The following NRG1 variants were observed in gnomAD, a reference collection of about 807,000 sequenced individuals.
NRG1 encodes the protein pro-neuregulin-1, membrane-bound isoform.
In NRG1, 18 loss-of-function variants were observed where a neutral mutation model predicts 63.8. That is an observed-to-expected ratio of 0.28 (90% CI 0.19 to 0.42). The LOEUF (loss-of-function observed/expected upper bound fraction) is 0.42, where lower values mean the gene tolerates loss of function less well. Among genes scored for constraint, NRG1 ranks in the 10% least tolerant of loss-of-function variants. The pLI is 1.00. For synonymous variants in NRG1, 302 were observed against 301.3 expected (o/e 1.00, Z -0.02); for missense variants, 762 against 814.7 (o/e 0.94, Z 0.79).
rs1833389329 is a variant in NRG1 at position 32,121,105 on chromosome 8, ATTG to A, written c.38-474719_38-474717del. ...GATTATGCACACCTTGGCTTACCCTATTGTTGCATAAAAATAGGCAAGGCATGT... is the reference window on the plus strand; with the variant it reads ...GATTATGCACACCTTGGCTTACCCTATTGCATAAAAATAGGCAAGGCATGT... On this transcript the variant is annotated intron_variant, in intron 1 of 10. Transcript: ENST00000519301. Among the ~76,000 whole-genome samples, 4 of 152,138 alleles carry A rather than the reference ATTG, an allele frequency of 2.6e-5. No individual in the cohort carries two copies. In the South Asian group the frequency reaches 6.2e-4, roughly 24 times the overall value.
chr8:32,008,250 T>C (rs1456962847), intron 1 of NRG1, among the ~76,000 whole-genome samples: 1 of 151,920 alleles, frequency 6.6e-6, no homozygotes, highest in Non-Finnish European at 1.5e-5. Flanking sequence ...ATTGCATGAC[T>C]TTATTGAAGC....
At chr8:31,707,773 A>G (rs909662731) in intron 1 of NRG1, among the ~76,000 whole-genome samples, 2 of 151,768 alleles carry the variant, frequency 1.3e-5, no homozygotes, top group African/African-American at 4.8e-5. Flanking sequence ...TTTGAATTCT[A>G]TTTTACTCAT....
intron 1 of NRG1, among the ~76,000 whole-genome samples, chr8:31,906,953 A>G (rs1458036234): frequency 1.3e-5 from 2 of 152,196 alleles, no homozygotes; most frequent in Non-Finnish European, 2.9e-5. Flanking sequence ...CAGGAAAAGA[A>G]TGCTGCTCTT....
intron 1 of NRG1, among the ~76,000 whole-genome samples, chr8:31,995,688 A>G (rs1811856473): frequency 6.6e-6 from 1 of 151,894 alleles, no homozygotes; most frequent in South Asian, 2.1e-4. Context: ...TTTCCCAGAT[A>G]AACTATTTCC....
chr8:32,287,254 T>C (rs1853642466), intron 1 of NRG1: 1 of 151,930 alleles, frequency 6.6e-6, no homozygotes, highest in African/African-American at 2.4e-5. Context: ...CAATGACACT[T>C]ATGCCACATG....
At chr8:31,701,103 T>C (rs532522101) in intron 1 of NRG1, among the ~76,000 whole-genome samples, 4 of 152,324 alleles carry the variant, frequency 2.6e-5, no homozygotes, top group African/African-American at 9.6e-5. Context: ...AAAGGCTTGA[T>C]ATATTCATAT....
At chr8:32,212,375 G>C (rs1462947575) in intron 1 of NRG1, among the ~76,000 whole-genome samples, 4 of 152,126 alleles carry the variant, frequency 2.6e-5, no homozygotes, top group African/African-American at 7.2e-5. Flanking sequence ...TTTCTGGTTT[G>C]TTCATGGCAG....
At chr8:32,633,466 A>G (rs943891132) in intron 5 of NRG1, among the ~76,000 whole-genome samples, 3 of 152,202 alleles carry the variant, frequency 2.0e-5, no homozygotes, top group African/African-American at 7.2e-5. Context: ...CACTAATCAA[A>G]CAAAACACTA....
Position 32,284,477 on chromosome 8 carries a change from C to G in NRG1, c.38-311351C>G, listed in dbSNP as rs7841814. ...ACACGTGCCAGAATAATGCTTGCCTCCCTGCCTGCCTGCCTTCCTTCCTTC... is the reference window on the plus strand; with the variant it reads ...ACACGTGCCAGAATAATGCTTGCCTGCCTGCCTGCCTGCCTTCCTTCCTTC... On this transcript the variant is annotated intron_variant, in intron 1 of 10. Transcript: ENST00000519301. Among the ~76,000 whole-genome samples the G allele has an allele frequency of 6.0e-3, 845 of 141,312 alleles. 9 individuals carry two copies. The highest frequency in any genetic ancestry group is 0.022 in the African/African-American group (796 of 36,884). The allele number at this position is 141,312 out of a possible 152,430, so 92.7% of individuals were successfully genotyped here. A position where few individuals can be genotyped will look rare whatever the true frequency, so the allele number is the denominator to read the frequency against.
chr8:31,876,999 G>T (rs1414319597), intron 1 of NRG1, among the ~76,000 whole-genome samples: 2 of 152,108 alleles, frequency 1.3e-5, no homozygotes, highest in East Asian at 3.9e-4. Context: ...AATGGCAAGA[G>T]CAAAGGAAAG....
Position 32,170,446 on chromosome 8 carries a change from G to A in NRG1, c.38-425382G>A, listed in dbSNP as rs547922718. On this transcript the variant is annotated intron_variant, in intron 1 of 10. Coordinates refer to the NRG1 transcript ENST00000519301. Reference sequence around the variant, plus strand: ...GTCTTAGCAGGTGAAATGCAGCAGCGAAGACCAGGTGCCTGTATTGTTGCC... The same window carrying A: ...GTCTTAGCAGGTGAAATGCAGCAGCAAAGACCAGGTGCCTGTATTGTTGCC... Among the ~76,000 whole-genome samples the A allele has an allele frequency of 2.4e-4, 36 of 152,258 alleles. 1 individual carries two copies. Among genetic ancestry groups the A allele is most frequent in the East Asian group, 7.8e-4 (4 of 5,158 alleles).
intron 2 of NRG1, 64 bp downstream of exon 2, chr8:32,596,069 T>C: frequency 4.0e-6 from 5 of 1,252,412 alleles, no homozygotes; most frequent in Non-Finnish European, 5.5e-6. Flanking sequence ...TAAATGTTAT[T>C]TAGACCCTAA....
In NRG1 at chr8:32,225,869, G is replaced by A. The variant is rs576222959; in HGVS notation, c.38-369959G>A. Reference sequence around the variant, plus strand: ...AAGGTTTTAAGAGTCTAAATAAATTGCATAATTAGTCAGTTTCCTACCTCC... The same window carrying A: ...AAGGTTTTAAGAGTCTAAATAAATTACATAATTAGTCAGTTTCCTACCTCC... On this transcript the variant is annotated intron_variant, in intron 1 of 10. Transcript: ENST00000519301. Among the ~76,000 whole-genome samples the A allele has an allele frequency of 1.2e-4, 19 of 152,194 alleles. No homozygotes were observed. The East Asian group carries it at 3.5e-3, about 28-fold the overall frequency.
At chr8:31,653,007 C>G (rs1477656719) in intron 1 of NRG1, among the ~76,000 whole-genome samples, 1 of 87,202 alleles carries the variant, frequency 1.1e-5, no homozygotes, top group Non-Finnish European at 2.4e-5. Context: ...CTCCTCTCCT[C>G]CCCTCCCCTC....
rs191085518 is a variant in NRG1, at chr8:32,535,966, T to A, written c.38-59862T>A. On this transcript the variant is annotated intron_variant, in intron 1 of 10. Transcript: ENST00000519301. ...ACATTCCAAACTTTCTTCCTATTTATCATTTTTCTCCTTGAGCCCCTTCTT... is the reference window on the plus strand; with the variant it reads ...ACATTCCAAACTTTCTTCCTATTTAACATTTTTCTCCTTGAGCCCCTTCTT... Among the ~76,000 whole-genome samples the A allele has an allele frequency of 1.1e-4, 16 of 152,314 alleles. No individual in the cohort carries two copies. In the East Asian group the frequency reaches 2.9e-3, roughly 28 times the overall value.
At chr8:32,613,746 C>T (rs1475502245) in intron 3 of NRG1, among the ~76,000 whole-genome samples, 1 of 152,042 alleles carries the variant, frequency 6.6e-6, no homozygotes, top group Non-Finnish European at 1.5e-5. Flanking sequence ...TTCCAGGCTT[C>T]ATAAAACTGT....
chr8:31,643,451 C>T (rs1803992945), intron 1 of NRG1, among the ~76,000 whole-genome samples: 1 of 152,196 alleles, frequency 6.6e-6, no homozygotes, highest in Non-Finnish European at 1.5e-5. Flanking sequence ...AATCTTTCCT[C>T]TTGAAATTCC....
chr8:32,694,846 A>G (rs942705624), intron 5 of NRG1, among the ~76,000 whole-genome samples: 1 of 152,084 alleles, frequency 6.6e-6, no homozygotes, highest in Non-Finnish European at 1.5e-5. Context: ...AGAGTAAGTT[A>G]TTTGCCTGAA....
At chr8:31,676,605 T>C (rs1211617454) in intron 1 of NRG1, among the ~76,000 whole-genome samples, 2 of 152,194 alleles carry the variant, frequency 1.3e-5, no homozygotes, top group African/African-American at 4.8e-5. Context: ...CCTGGGAGGT[T>C]GAACCCTCCA....
Sources: gnomAD v4.1 joint callset for allele counts (sites outside exome capture counted in the v4.1 genomes callset) on GRCh38, gnomAD v4.1.1 for gene constraint, MANE v1.5 for transcripts, NCBI Gene and HGNC (gene_info 2026-07-23, HGNC 2026-07-21) for gene names.